The following IHO1 variants were observed in gnomAD, a reference collection of about 807,000 sequenced individuals.
IHO1 encodes the protein interactor of HORMAD1 1, also known as interactor of HORMAD1 protein 1.
In IHO1, 13 loss-of-function variants were observed where a neutral mutation model predicts 31.0. That is an observed-to-expected ratio of 0.42 (90% confidence interval 0.27 to 0.67). IHO1 has a LOEUF of 0.67. IHO1 is among the 30% of genes least tolerant of loss of function. IHO1 has a pLI of 0.24. For synonymous variants in IHO1, 221 were observed against 248.4 expected (o/e 0.89, Z 1.04); for missense variants, 599 against 687.5 (o/e 0.87, Z 1.44).
At chr3:49,223,270 C>A (rs1408421967) in intron 2 of IHO1, among the ~76,000 whole-genome samples, 1 of 152,100 alleles carries the variant, frequency 6.6e-6, no homozygotes. Flanking sequence ...GTGTTAGTTT[C>A]CTTAAGTGCT....
intron 3 of IHO1, among the ~76,000 whole-genome samples, chr3:49,239,133 A>G (rs1240484688): frequency 6.6e-6 from 1 of 151,906 alleles, no homozygotes; most frequent in African/African-American, 2.4e-5. Context: ...CCCCATGCCC[A>G]GCTAATTTTT....
intron 1 of IHO1, among the ~76,000 whole-genome samples, chr3:49,206,974 G>A (rs1306220620): frequency 1.3e-5 from 2 of 150,406 alleles, no homozygotes; most frequent in Admixed American, 6.7e-5. Flanking sequence ...CTTGAACCCA[G>A]GAGGCAAATG....
intron 2 of IHO1, among the ~76,000 whole-genome samples, chr3:49,215,113 C>T (rs371874512): frequency 2.7e-4 from 41 of 151,184 alleles, no homozygotes; most frequent in Admixed American, 2.6e-3. Context: ...TTTAGTGGCA[C>T]GATCTCGGCT....
chr3:49,212,632 G>A lies in IHO1; in HGVS notation c.56+796G>A, dbSNP rs145495918. On this transcript the variant is annotated intron_variant, in intron 2 of 7. Transcript: ENST00000452691. ...CAAGAATGAGGCCAAAGACCCTTGC[G>A]GTGAGTGTTACAGTTCTTAAAAGCG... Among the ~76,000 whole-genome samples, 606 of 152,216 alleles carry A rather than the reference G, an allele frequency of 4.0e-3. 4 individuals are homozygous for A. The highest frequency in any genetic ancestry group is 0.014 in the African/African-American group (577 of 41,534).
At chr3:49,208,121 T>G (rs1443655585) in intron 1 of IHO1, among the ~76,000 whole-genome samples, 1 of 152,234 alleles carries the variant, frequency 6.6e-6, no homozygotes. Flanking sequence ...AGCAATAACT[T>G]GTATCTCTTA....
intron 2 of IHO1, among the ~76,000 whole-genome samples, chr3:49,217,981 CAGAA>C (rs2046309414): frequency 1.3e-5 from 2 of 152,312 alleles, no homozygotes; most frequent in Admixed American, 1.3e-4. Context: ...GGTGGATAAG[CAGAA>C]AGAACATTTG....
intron 2 of IHO1, among the ~76,000 whole-genome samples, chr3:49,225,860 C>T (rs999682557): frequency 1.3e-5 from 2 of 152,056 alleles, no homozygotes; most frequent in South Asian, 2.1e-4. Context: ...TCCTGGCCCT[C>T]GATGGTTATA....
Position 49,211,750 on chromosome 3 carries a change from C to G in IHO1, c.-15-16C>G, listed in dbSNP as rs765296468. 2.5e-6 allele frequency: 3 copies of G among 1,190,892 alleles called. No homozygotes were observed. The highest frequency in any genetic ancestry group is 3.7e-6 in the Non-Finnish European group (3 of 803,112). 73.8% of individuals were successfully genotyped at this position (1,190,892 alleles called of 1,614,324 possible). ...TACTGTTAACTTTCTTAATATTCAC[C>G]TATTCTTTCTAATAGGTATAACTAT... On this transcript the variant is annotated splice_polypyrimidine_tract_variant and intron_variant, in intron 1 of 7. Coordinates refer to ENST00000452691, the MANE Select transcript of IHO1 (RefSeq NM_001135197.2).
At chr3:49,207,954 A>G (rs1228366055) in intron 1 of IHO1, among the ~76,000 whole-genome samples, 1 of 151,962 alleles carries the variant, frequency 6.6e-6, no homozygotes, top group Non-Finnish European at 1.5e-5. Context: ...TTGTATTTTT[A>G]GTAGAGACGG....
At chr3:49,216,590 A>T (rs2046288975) in intron 2 of IHO1, among the ~76,000 whole-genome samples, 1 of 152,212 alleles carries the variant, frequency 6.6e-6, no homozygotes, top group South Asian at 2.1e-4. Context: ...ATGGGCAAAG[A>T]CTTCATGACT....
Position 49,256,063 on chromosome 3 carries a change from G to A in IHO1, c.637-71G>A. 1 of 1,331,936 alleles carries A rather than the reference G, an allele frequency of 7.5e-7. No individual in the cohort carries two copies. Among genetic ancestry groups the A allele is most frequent in the Non-Finnish European group, 1.0e-6 (1 of 959,568 alleles). 82.5% of individuals were successfully genotyped at this position (1,331,936 alleles called of 1,614,324 possible). ...GTTCTGCTGTCACATCCATTGGTCT[G>A]TTCTCATGTTTTATTGTGCTTTCTG... On this transcript the variant is annotated intron_variant, in intron 7 of 7. Transcript: ENST00000452691. This position sits in a 1 kb window ranked among gnomAD's most constrained non-coding sequence, Gnocchi z 4.6.
chr3:49,238,294 T>C (rs2046585072), intron 3 of IHO1, among the ~76,000 whole-genome samples: 2 of 152,116 alleles, frequency 1.3e-5, no homozygotes, highest in African/African-American at 4.8e-5. Flanking sequence ...TTGTTTTGTT[T>C]TGTTTTGTTT....
intron 6 of IHO1, 50 bp downstream of exon 6, chr3:49,244,783 A>G: frequency 6.7e-7 from 1 of 1,503,246 alleles, no homozygotes; most frequent in Non-Finnish European, 9.3e-7. Context: ...GTGAATGATG[A>G]ACATGAACTT....
chr3:49,239,262 A>G (rs1400479063), intron 3 of IHO1, among the ~76,000 whole-genome samples: 1 of 148,916 alleles, frequency 6.7e-6, no homozygotes, highest in African/African-American at 2.5e-5. Context: ...GTGAGCTACC[A>G]TGCCTGGCCA....
intron 2 of IHO1, among the ~76,000 whole-genome samples, chr3:49,234,081 G>GA (rs1028590734): frequency 2.8e-5 from 4 of 140,852 alleles, no homozygotes; most frequent in African/African-American, 7.9e-5. Flanking sequence ...TCGGGGCTGA[G>GA]AAAAAAAAGG....
intron 4 of IHO1, among the ~76,000 whole-genome samples, chr3:49,243,550 A>G (rs1341810239): frequency 2.0e-5 from 3 of 151,802 alleles, no homozygotes; most frequent in East Asian, 4.0e-4. Flanking sequence ...CGAGGTCAGG[A>G]GATTGAGACC....
At chr3:49,211,403 T>G (rs2046213803) in intron 1 of IHO1, among the ~76,000 whole-genome samples, 1 of 152,238 alleles carries the variant, frequency 6.6e-6, no homozygotes, top group Admixed American at 6.5e-5. Flanking sequence ...CCTAAGTATT[T>G]CTTTTTTGGG....
Position 49,229,925 on chromosome 3 carries a change from A to G in IHO1, c.57-6623A>G, listed in dbSNP as rs1460819935. Among the ~76,000 whole-genome samples, 6 of 152,186 alleles carry G rather than the reference A, an allele frequency of 3.9e-5. No homozygotes were observed. The South Asian group carries it at 6.2e-4, about 16-fold the overall frequency. ...TTCCTGAGCAGTTTTACAGCCCTCA[A>G]AGTCAACATATGATGCATGAAATAG... On this transcript the variant is annotated intron_variant, in intron 2 of 7. Transcript: ENST00000452691.
At chr3:49,233,842 C>T (rs1332436148) in intron 2 of IHO1, among the ~76,000 whole-genome samples, 1 of 152,086 alleles carries the variant, frequency 6.6e-6, no homozygotes, top group Admixed American at 6.6e-5. Flanking sequence ...AACACTTGGC[C>T]CACCGAGGGC....
Sources: gnomAD v4.1 joint callset for allele counts (sites outside exome capture counted in the v4.1 genomes callset) on GRCh38, gnomAD v4.1.1 for gene constraint, Gnocchi (gnomAD v3.1) non-coding constraint, MANE v1.5 for transcripts, NCBI Gene and HGNC (gene_info 2026-07-23, HGNC 2026-07-21) for gene names.